The following PRKN variants were observed in gnomAD, a reference collection of about 807,000 sequenced individuals.
PRKN encodes parkin RBR E3 ubiquitin protein ligase.
In PRKN, 56 loss-of-function variants were observed where a neutral mutation model predicts 59.5. The observed-to-expected ratio is 0.94, with a 90% CI of 0.76 to 1.18. The LOEUF (loss-of-function observed/expected upper bound fraction) is 1.18. Among genes scored for constraint, PRKN ranks in the 50% most tolerant of loss-of-function variants. PRKN has a pLI of 0.00. For missense variants in PRKN, 657 were observed against 596.4 expected (o/e 1.10, Z -1.06); for synonymous variants, 250 against 222.1 (o/e 1.13, Z -1.12).
rs1371209953 is a variant in PRKN at position 161,347,971 on chromosome 6, AC to A, written c.*2127del. 5.7e-6 allele frequency: 1 copy of A among 176,156 alleles called. No individual in the cohort carries two copies. Among genetic ancestry groups the A allele is most frequent in the East Asian group, 9.7e-5 (1 of 10,274 alleles). 10.9% of individuals were successfully genotyped at this position (176,156 alleles called of 1,614,324 possible). A position where few individuals can be genotyped will look rare whatever the true frequency, so the allele number is the denominator to read the frequency against. On this transcript the variant is annotated 3_prime_UTR_variant, in exon 12 of 12. Coordinates refer to ENST00000366898, the MANE Select transcript of PRKN (RefSeq NM_004562.3). ...TATTCTGGAAAGGGAAAAGACCACC[AC>A]CAAGAAGGGAAAGGAGACCATGCTG... is the stretch of plus-strand genomic sequence containing the variant.
At chr6:162,570,836 G>A (rs538928099) in intron 1 of PRKN, among the ~76,000 whole-genome samples, 97 of 151,942 alleles carry the variant, frequency 6.4e-4, no homozygotes, top group African/African-American at 2.1e-3. Context: ...GGATGGGAGG[G>A]AAAAAAATAG....
rs1789620825 is a variant in PRKN, at chr6:162,433,236, CAT to C, written c.171+10072_171+10073del. Reference sequence around the variant, plus strand: ...AATTTCATATAACACTCAAAACAAACATATAAAATATAGGCATTATTACTATC... The same window carrying C: ...AATTTCATATAACACTCAAAACAAACATAAAATATAGGCATTATTACTATC... On this transcript the variant is annotated intron_variant, in intron 2 of 11. Coordinates refer to ENST00000366898, the MANE Select transcript of PRKN (RefSeq NM_004562.3). 2.6e-5 allele frequency among the ~76,000 whole-genome samples: 4 copies of C among 152,202 alleles called. No homozygotes were observed. The South Asian group carries it at 8.3e-4, about 32-fold the overall frequency.
intron 6 of PRKN, among the ~76,000 whole-genome samples, chr6:161,911,075 A>G (rs535682709): frequency 6.6e-6 from 1 of 152,252 alleles, no homozygotes; most frequent in Admixed American, 6.5e-5. Context: ...CATTTTCTCC[A>G]AGGTATACCC....
At chr6:161,842,401 G>A (rs187766767) in intron 6 of PRKN, among the ~76,000 whole-genome samples, 1 of 151,374 alleles carries the variant, frequency 6.6e-6, no homozygotes, top group Non-Finnish European at 1.5e-5. Context: ...GAATCTGGGA[G>A]GCAAAGGTTG....
intron 4 of PRKN, among the ~76,000 whole-genome samples, chr6:162,088,175 T>C (rs1382975185): frequency 6.6e-6 from 1 of 152,158 alleles, no homozygotes; most frequent in Non-Finnish European, 1.5e-5. Context: ...ATAGTGACTA[T>C]GGACTAAATT....
intron 6 of PRKN, among the ~76,000 whole-genome samples, chr6:161,930,177 T>C (rs1381640236): frequency 6.6e-6 from 1 of 152,188 alleles, no homozygotes; most frequent in Admixed American, 6.5e-5. Flanking sequence ...CATCTTGGTG[T>C]CTGTTTATTT....
chr6:162,201,144 A>G lies in PRKN; in HGVS notation c.521T>C (p.Leu174Pro). ...GCATTTCCTTACCTGGGTCAAGGTG[A>G]GCGTTGCCTGCCTGCAGGTGCTGCA... ...VQCSTCRQAT[L>P]TLTQGPSCWD... Residue 174 changes from leucine (L) to proline (P), a missense_variant, in exon 4 of 12, where the codon CTC becomes CCC. Physicochemically the swap from Leu to Pro is moderately conservative, Grantham distance 98. Coordinates refer to ENST00000366898, the MANE Select transcript of PRKN (RefSeq NM_004562.3). The G allele has an allele frequency of 3.7e-6, 6 of 1,614,148 alleles. No homozygotes were observed. The highest frequency in any genetic ancestry group is 5.1e-6 in the Non-Finnish European group (6 of 1,180,010).
At chr6:161,505,265 C>T (rs1403270863) in intron 9 of PRKN, among the ~76,000 whole-genome samples, 1 of 152,082 alleles carries the variant, frequency 6.6e-6, no homozygotes, top group Non-Finnish European at 1.5e-5. Context: ...TTGCATTTCT[C>T]TGATGGCCAG....
chr6:161,567,033 T>TGTG lies in PRKN; in HGVS notation c.933+2321_933+2322insCAC, dbSNP rs1244388996. Among the ~76,000 whole-genome samples the TGTG allele has an allele frequency of 2.2e-3, 243 of 112,146 alleles. 5 individuals carry two copies. Among genetic ancestry groups the TGTG allele is most frequent in the Middle Eastern group, 8.6e-3 (2 of 232 alleles). The allele number at this position is 112,146 out of a possible 152,430, so 73.6% of individuals were successfully genotyped here. Reference sequence around the variant, plus strand: ...TATTCACTGTCCTTGTTTTTTTTTTTTTTTTGTGTGTGTGTGTGTGTGTGT... The same window carrying TGTG: ...TATTCACTGTCCTTGTTTTTTTTTTTGTGTTTTTGTGTGTGTGTGTGTGTGTGT... On this transcript the variant is annotated intron_variant, in intron 8 of 11. Transcript: ENST00000366898.
At chr6:162,374,172 T>A (rs1043839614) in intron 2 of PRKN, among the ~76,000 whole-genome samples, 4 of 152,174 alleles carry the variant, frequency 2.6e-5, no homozygotes, top group Admixed American at 6.6e-5. Context: ...CCTCCAAAAA[T>A]CATGAGGGGT....
chr6:162,342,002 T>C (rs905436627), intron 2 of PRKN, among the ~76,000 whole-genome samples: 1 of 152,186 alleles, frequency 6.6e-6, no homozygotes, highest in Non-Finnish European at 1.5e-5. Context: ...GGGTTTGCTT[T>C]TTAATGAAAT....
chr6:162,513,355 T>G (rs923436216), intron 1 of PRKN, among the ~76,000 whole-genome samples: 14 of 151,904 alleles, frequency 9.2e-5, no homozygotes, highest in African/African-American at 2.9e-4. Flanking sequence ...GGTGGGTGCA[T>G]GTAATCCCAG....
At chr6:161,604,631 T>C (rs1420824582) in intron 7 of PRKN, among the ~76,000 whole-genome samples, 1 of 152,188 alleles carries the variant, frequency 6.6e-6, no homozygotes, top group Non-Finnish European at 1.5e-5. Context: ...GCACAGTGTT[T>C]AGGTTAGAAA....
Position 162,040,571 on chromosome 6 carries a change from T to TA in PRKN, c.618+13519dup, listed in dbSNP as rs1784029648. 1.4e-4 allele frequency among the ~76,000 whole-genome samples: 10 copies of TA among 70,526 alleles called. No homozygotes were observed. In the Admixed American group the frequency reaches 2.1e-3, roughly 15 times the overall value. The allele number at this position is 70,526 out of a possible 152,430, so 46.3% of individuals were successfully genotyped here. ...ACAGGCGCCCACCACCATGCCCGGC[T>TA]ATTTTTTTTTTTTTTTTTTTGTATT... On this transcript the variant is annotated intron_variant, in intron 5 of 11. Coordinates refer to ENST00000366898, the MANE Select transcript of PRKN (RefSeq NM_004562.3).
At chr6:162,240,215 T>C (rs1477145183) in intron 3 of PRKN, among the ~76,000 whole-genome samples, 1 of 152,164 alleles carries the variant, frequency 6.6e-6, no homozygotes, top group East Asian at 1.9e-4. Context: ...AGAAAAACAA[T>C]TAAAAATTTT....
At position 162,010,548 on chromosome 6, in the gene PRKN, T is replaced by TAATACATTATATAA. The variant is rs1189385587; in HGVS notation, c.619-37132_619-37131insTTATATAATGTATT. On this transcript the variant is annotated intron_variant, in intron 5 of 11. Transcript: ENST00000366898. ...ATAATATATTATATAATGTATTATATTATATATTATATAATATATTATATA... is the reference window on the plus strand; with the variant it reads ...ATAATATATTATATAATGTATTATATAATACATTATATAATATATATTATATAATATATTATATA... Among the ~76,000 whole-genome samples, 7 of 12,562 alleles carry TAATACATTATATAA rather than the reference T, an allele frequency of 5.6e-4. 3 individuals carry two copies. Among genetic ancestry groups the TAATACATTATATAA allele is most frequent in the African/African-American group, 5.2e-3 (7 of 1,334 alleles). 8.2% of individuals were successfully genotyped at this position (12,562 alleles called of 152,430 possible). A position where few individuals can be genotyped will look rare whatever the true frequency, so the allele number is the denominator to read the frequency against.
chr6:162,443,173 T>C, intron 2 of PRKN, 137 bp downstream of exon 2: 1 of 812,068 alleles, frequency 1.2e-6, no homozygotes, highest in Non-Finnish European at 2.0e-6. Flanking sequence ...AATGAAGCAG[T>C]GTGGAGTAAA....
chr6:161,874,742 T>TA (rs1562355904), intron 6 of PRKN, among the ~76,000 whole-genome samples: 10 of 118,028 alleles, frequency 8.5e-5, no homozygotes, highest in African/African-American at 3.6e-4. Flanking sequence ...GTACTATATA[T>TA]AAAATATATA....
chr6:162,438,905 T>A (rs1483309966), intron 2 of PRKN, among the ~76,000 whole-genome samples: 2 of 152,194 alleles, frequency 1.3e-5, no homozygotes, highest in Non-Finnish European at 2.9e-5. Flanking sequence ...CTTCCAGGAA[T>A]CCCCTGACAC....
Sources: gnomAD v4.1 joint callset for allele counts (sites outside exome capture counted in the v4.1 genomes callset) on GRCh38, gnomAD v4.1.1 for gene constraint, MANE v1.5 for transcripts, NCBI Gene and HGNC (gene_info 2026-07-23, HGNC 2026-07-21) for gene names.